The following USP34 variants were observed in gnomAD, a reference collection of about 807,000 sequenced individuals.
USP34 encodes ubiquitin carboxyl-terminal hydrolase 34.
Under a neutral mutation model 460.3 loss-of-function variants are expected in USP34, and 70 were observed. The observed-to-expected ratio is 0.15, with a 90% CI of 0.13 to 0.19. The LOEUF (loss-of-function observed/expected upper bound fraction) is 0.19, where lower values mean the gene tolerates loss of function less well. Among genes scored for constraint, USP34 ranks in the 10% least tolerant of loss-of-function variants. The pLI, the probability that USP34 is intolerant of heterozygous loss-of-function variation, is 1.00. For missense variants in USP34, 3,985 were observed against 4,236.2 expected, an observed-to-expected ratio of 0.94 and a Z score of 1.65; for synonymous variants, 1,647 against 1,405.3, an observed-to-expected ratio of 1.17 and a Z score of -3.85.
At chr2:61,310,485 G>A (rs957375133) in intron 27 of USP34, among the ~76,000 whole-genome samples, 4 of 151,550 alleles carry the variant, frequency 2.6e-5, no homozygotes, top group African/African-American at 9.7e-5. Context: ...CAAGCAAACA[G>A]AACAGTAAAA....
At position 61,236,189 on chromosome 2, in the gene USP34, G is replaced by A; in HGVS notation, c.6890C>T (p.Pro2297Leu). The change falls in exon 55 of 80, where the codon CCT becomes CTT. Residue 2297 changes from proline (P) to leucine (L), a missense_variant. Pro to Leu is a moderately conservative substitution (Grantham distance 98, BLOSUM62 -3). Transcript: ENST00000398571. ...CSCIPSTLPDPKAVSLMTAKL... is the reference protein window; with the variant it reads ...CSCIPSTLPDLKAVSLMTAKL... ...TGCTGTCATTAAGGACACAGCTTTA[G>A]GATCTGGTAATGTACTGGGAATACA... is the stretch of plus-strand genomic sequence containing the variant. 6.2e-7 allele frequency: 1 copy of A among 1,611,918 alleles called. No homozygotes were observed. Among genetic ancestry groups the A allele is most frequent in the Non-Finnish European group, 8.5e-7 (1 of 1,179,196 alleles).
chr2:61,392,939 A>G (rs1387170060), intron 5 of USP34, among the ~76,000 whole-genome samples: 1 of 152,208 alleles, frequency 6.6e-6, no homozygotes, highest in Non-Finnish European at 1.5e-5. Context: ...ACTTTCTATC[A>G]AACAAATAAG....
intron 15 of USP34, among the ~76,000 whole-genome samples, chr2:61,345,141 G>A (rs964722539): frequency 6.6e-6 from 1 of 152,024 alleles, no homozygotes; most frequent in African/African-American, 2.4e-5. Flanking sequence ...GGGCATGGTG[G>A]TGCATACCCA....
chr2:61,243,042 C>T (rs1688316543), intron 51 of USP34, among the ~76,000 whole-genome samples: 1 of 151,958 alleles, frequency 6.6e-6, no homozygotes, highest in African/African-American at 2.4e-5. Flanking sequence ...CATGGGGTTT[C>T]ACCATGTTGG....
At chr2:61,445,466 C>T (rs550869629) in intron 1 of USP34, among the ~76,000 whole-genome samples, 21 of 147,338 alleles carry the variant, frequency 1.4e-4, no homozygotes, top group Middle Eastern at 3.7e-3. Flanking sequence ...ACCCGGGAGG[C>T]AGAGTTTGCA....
At chr2:61,416,751 T>C in intron 2 of USP34, 1 of 367,278 alleles carries the variant, frequency 2.7e-6, no homozygotes, top group South Asian at 4.8e-5. Flanking sequence ...TTCCCAATCA[T>C]TAAATTAATA....
intron 5 of USP34, among the ~76,000 whole-genome samples, chr2:61,393,533 T>C (rs1422405969): frequency 6.6e-6 from 1 of 152,056 alleles, no homozygotes; most frequent in African/African-American, 2.4e-5. Flanking sequence ...TAACTAAAAA[T>C]GACCTTGATA....
chr2:61,460,568 A>G (rs1298784612), intron 1 of USP34, among the ~76,000 whole-genome samples: 3 of 152,356 alleles, frequency 2.0e-5, no homozygotes, highest in African/African-American at 7.2e-5. Context: ...TATAGGGTAC[A>G]GCACTATCTG....
At chr2:61,422,544 C>T (rs950345635) in intron 1 of USP34, among the ~76,000 whole-genome samples, 6 of 152,206 alleles carry the variant, frequency 3.9e-5, no homozygotes, top group Non-Finnish European at 8.8e-5. Context: ...AGCCCAAAAG[C>T]TTTTCCTCTA....
chr2:61,428,341 C>T lies in USP34; in HGVS notation c.44-7508G>A, dbSNP rs148745726. ...AATCAGCCATTCATCCTGACTTTCA[C>T]GTAGAAATAGCAAATAAAAGTAATG... is the stretch of plus-strand genomic sequence containing the variant. On this transcript the variant is annotated intron_variant, in intron 1 of 79. Transcript: ENST00000398571. 7.4e-3 allele frequency among the ~76,000 whole-genome samples: 1,123 copies of T among 151,102 alleles called. 7 individuals carry two copies. The highest frequency in any genetic ancestry group is 0.011 in the Non-Finnish European group (737 of 67,898).
chr2:61,218,949 A>G (rs1330349012), intron 67 of USP34, among the ~76,000 whole-genome samples: 1 of 152,202 alleles, frequency 6.6e-6, no homozygotes, highest in Non-Finnish European at 1.5e-5. Context: ...TCCACACCCC[A>G]TTCCTTGGAA....
intron 2 of USP34, among the ~76,000 whole-genome samples, chr2:61,413,402 A>C (rs1412882538): frequency 2.7e-5 from 4 of 149,850 alleles, no homozygotes; most frequent in African/African-American, 9.9e-5. Flanking sequence ...AAAAATTAAA[A>C]TAAAAAAATA....
chr2:61,205,532 C>G (rs1687095226), intron 72 of USP34, among the ~76,000 whole-genome samples: 1 of 152,050 alleles, frequency 6.6e-6, no homozygotes. Flanking sequence ...AAAAAAATCA[C>G]TATAAATTTA....
At chr2:61,369,778 C>G (rs1044727093) in intron 10 of USP34, among the ~76,000 whole-genome samples, 1 of 142,230 alleles carries the variant, frequency 7.0e-6, no homozygotes, top group Non-Finnish European at 1.5e-5. Flanking sequence ...AAAAAAAAGT[C>G]AAAGCCACAT....
In USP34 at chr2:61,395,209, T is replaced by C. The variant is rs766327948; in HGVS notation, c.577A>G (p.Ile193Val). 2 of 1,502,406 alleles carry C rather than the reference T, an allele frequency of 1.3e-6. No homozygotes were observed. The highest frequency in any genetic ancestry group is 1.8e-6 in the Non-Finnish European group (2 of 1,098,038). The allele number at this position is 1,502,406 out of a possible 1,614,324, so 93.1% of individuals were successfully genotyped here. A position where few individuals can be genotyped will look rare whatever the true frequency, so the allele number is the denominator to read the frequency against. The change falls in exon 4 of 80, where the codon ATA (isoleucine) becomes GTA (valine). Residue 193 changes from isoleucine (I) to valine (V), a missense_variant. Ile to Val is a conservative substitution (Grantham distance 29). Transcript: ENST00000398571. The part of the protein sequence containing the change: ...IEDISTQESN[I>V]LGAFCDMNDV... ...TTCATATCACAGAATGCCCCTAATA[T>C]GTTACTTTCTTGAGTTGATATATCC...
At chr2:61,286,940 G>C (rs1318102017) in intron 34 of USP34, among the ~76,000 whole-genome samples, 1 of 152,060 alleles carries the variant, frequency 6.6e-6, no homozygotes, top group African/African-American at 2.4e-5. Flanking sequence ...TATTTAGTGA[G>C]TGATGGAAAG....
In USP34 at chr2:61,245,200, T is replaced by A. The variant is rs778717274; in HGVS notation, c.6627+10A>T. On this transcript the variant is annotated intron_variant, in intron 51 of 79. Coordinates refer to ENST00000398571, the MANE Select transcript of USP34 (RefSeq NM_014709.4). The stretch of plus-strand genomic sequence containing the variant: ...ACACAAACCATTTATAATTTCTGAA[T>A]AAAACTTACCGTCATCTCTCCACCA... 1 of 1,606,616 alleles carries A rather than the reference T, an allele frequency of 6.2e-7. No homozygotes were observed. Among genetic ancestry groups the A allele is most frequent in the East Asian group, 2.2e-5 (1 of 44,698 alleles).
intron 20 of USP34, among the ~76,000 whole-genome samples, chr2:61,327,715 T>C (rs1211116780): frequency 6.6e-6 from 1 of 152,194 alleles, no homozygotes; most frequent in Admixed American, 6.5e-5. Context: ...GCCCCGATGC[T>C]GCACTTCAAA....
intron 44 of USP34, among the ~76,000 whole-genome samples, chr2:61,259,447 G>C (rs1262063336): frequency 6.6e-6 from 1 of 151,680 alleles, no homozygotes; most frequent in South Asian, 2.1e-4. Context: ...GAGTGCAGTA[G>C]TGAGATCTCA....
Sources: gnomAD v4.1 joint callset for allele counts (sites outside exome capture counted in the v4.1 genomes callset) on GRCh38, gnomAD v4.1.1 for gene constraint, MANE v1.5 for transcripts, NCBI Gene and HGNC (gene_info 2026-07-23, HGNC 2026-07-21) for gene names.